Variants in PDSS2 observed in about 807,000 individuals in gnomAD.
PDSS2 encodes decaprenyl diphosphate synthase subunit 2, also known as all trans-polyprenyl-diphosphate synthase PDSS2.
In PDSS2, 31 loss-of-function variants were observed where a neutral mutation model predicts 44.5. The observed-to-expected ratio is 0.70, with a 90% CI of 0.52 to 0.94. The LOEUF is 0.94. Among genes scored for constraint, PDSS2 ranks in the 40% least tolerant of loss-of-function variants. PDSS2 has a pLI of 0.00. For synonymous variants in PDSS2, 157 were observed against 180.3 expected (o/e 0.87, Z 1.03); for missense variants, 452 against 482.2 (o/e 0.94, Z 0.59).
intron 4 of PDSS2, among the ~76,000 whole-genome samples, chr6:107,226,063 C>T (rs1773809684): frequency 6.6e-6 from 1 of 152,146 alleles, no homozygotes; most frequent in Non-Finnish European, 1.5e-5. Context: ...AATCCCAGCA[C>T]TTTGGGAGGC....
chr6:107,184,189 A>G (rs1772086459), intron 7 of PDSS2, among the ~76,000 whole-genome samples: 1 of 152,170 alleles, frequency 6.6e-6, no homozygotes, highest in African/African-American at 2.4e-5. Flanking sequence ...ACACAGCAAC[A>G]ACTGTTTTCT....
chr6:107,412,128 T>C (rs935157435), intron 1 of PDSS2, among the ~76,000 whole-genome samples: 8 of 151,756 alleles, frequency 5.3e-5, no homozygotes, highest in Non-Finnish European at 8.8e-5. Context: ...CCTCAGGTGA[T>C]CCACCTGCCT....
rs1258543926 is a variant in PDSS2, at chr6:107,170,246, G to A, written c.1042-15469C>T. On this transcript the variant is annotated intron_variant, in intron 7 of 7. Coordinates refer to ENST00000369037, the MANE Select transcript of PDSS2 (RefSeq NM_020381.4). ...TCAGACTGCTGTGCTAGCAATGAGC[G>A]AGGTTCCAAGGGCGTGGGATCCTCT... 5.3e-5 allele frequency among the ~76,000 whole-genome samples: 8 copies of A among 152,148 alleles called. 1 individual carries two copies. Among genetic ancestry groups the A allele is most frequent in the Admixed American group, 2.6e-4 (4 of 15,264 alleles).
At chr6:107,283,947 A>G (rs1219363498) in intron 2 of PDSS2, among the ~76,000 whole-genome samples, 1 of 151,758 alleles carries the variant, frequency 6.6e-6, no homozygotes, top group East Asian at 1.9e-4. Context: ...AATAGCTTCA[A>G]TCCAGGAGGT....
chr6:107,158,086 C>G (rs1206651238), intron 7 of PDSS2, among the ~76,000 whole-genome samples: 1 of 152,030 alleles, frequency 6.6e-6, no homozygotes, highest in Non-Finnish European at 1.5e-5. Context: ...ATTTATTCCT[C>G]TAATTATACA....
Position 107,180,294 on chromosome 6 carries a change from C to T in PDSS2, c.1041+13528G>A, listed in dbSNP as rs537617862. Reference sequence around the variant, plus strand: ...TATCCCACAGTGCAGAGCATCCACCCGCAGAGCCAGCCTGAAGGGCATTTC... The same window carrying T: ...TATCCCACAGTGCAGAGCATCCACCTGCAGAGCCAGCCTGAAGGGCATTTC... On this transcript the variant is annotated intron_variant, in intron 7 of 7. Transcript: ENST00000369037. Among the ~76,000 whole-genome samples the T allele has an allele frequency of 8.5e-4, 130 of 152,278 alleles. 3 individuals carry two copies. The South Asian group carries it at 0.015, about 17-fold the overall frequency.
intron 1 of PDSS2, among the ~76,000 whole-genome samples, chr6:107,348,020 G>C (rs1468431408): frequency 6.6e-6 from 1 of 152,034 alleles, no homozygotes; most frequent in Non-Finnish European, 1.5e-5. Context: ...AGCTGAAAAT[G>C]ATAGCCTTTA....
chr6:107,195,408 G>A (rs1425048541), intron 6 of PDSS2, among the ~76,000 whole-genome samples: 1 of 150,930 alleles, frequency 6.6e-6, no homozygotes, highest in African/African-American at 2.4e-5. Context: ...CCTGAGCCTG[G>A]GAGGTTGAGG....
chr6:107,385,123 G>C (rs113629473), intron 1 of PDSS2, among the ~76,000 whole-genome samples: 6 of 152,120 alleles, frequency 3.9e-5, no homozygotes, highest in African/African-American at 1.4e-4. Flanking sequence ...TCTTTATTTA[G>C]TCTTTGGCCA....
At chr6:107,396,115 C>T (rs1248897367) in intron 1 of PDSS2, among the ~76,000 whole-genome samples, 1 of 152,178 alleles carries the variant, frequency 6.6e-6, no homozygotes, top group African/African-American at 2.4e-5. Flanking sequence ...AATTGTTCAG[C>T]TCCTCAATAA....
chr6:107,320,930 T>C (rs538880397), intron 2 of PDSS2, among the ~76,000 whole-genome samples: 1 of 152,300 alleles, frequency 6.6e-6, no homozygotes, highest in Non-Finnish European at 1.5e-5. Context: ...GAGCATGAAT[T>C]CTATGGTCAA....
chr6:107,181,785 G>C (rs1771993536), intron 7 of PDSS2, among the ~76,000 whole-genome samples: 1 of 151,178 alleles, frequency 6.6e-6, no homozygotes, highest in Admixed American at 6.6e-5. Context: ...AGCTACTCAG[G>C]AGGCTGAGGC....
rs1398969339 is a variant in PDSS2 at position 107,176,413 on chromosome 6, AACACACACACACACATACAC to A, written c.1041+17389_1041+17408del. ...TTTAAAATGTATTCTATTCCCCCTTAACACACACACACACATACACACACACACACACACACACACACACA... is the reference window on the plus strand; with the variant it reads ...TTTAAAATGTATTCTATTCCCCCTTAACACACACACACACACACACACACA... On this transcript the variant is annotated intron_variant, in intron 7 of 7. Transcript: ENST00000369037. Among the ~76,000 whole-genome samples, 509 of 96,174 alleles carry A rather than the reference AACACACACACACACATACAC, an allele frequency of 5.3e-3. 3 individuals are homozygous for A. The highest frequency in any genetic ancestry group is 0.025 in the African/African-American group (470 of 19,120). 63.1% of individuals were successfully genotyped at this position (96,174 alleles called of 152,430 possible). A position where few individuals can be genotyped will look rare whatever the true frequency, so the allele number is the denominator to read the frequency against.
At chr6:107,299,844 T>C (rs996688649) in intron 2 of PDSS2, among the ~76,000 whole-genome samples, 2 of 152,188 alleles carry the variant, frequency 1.3e-5, no homozygotes, top group African/African-American at 4.8e-5. Flanking sequence ...CACTGTCTGT[T>C]GGACCTTACT....
At chr6:107,308,829 A>C (rs1449576919) in intron 2 of PDSS2, among the ~76,000 whole-genome samples, 1 of 152,238 alleles carries the variant, frequency 6.6e-6, no homozygotes, top group Non-Finnish European at 1.5e-5. Flanking sequence ...TGCCCCTGCC[A>C]GACGATGAAC....
intron 1 of PDSS2, among the ~76,000 whole-genome samples, chr6:107,415,872 G>T (rs754299267): frequency 6.6e-6 from 1 of 152,188 alleles, no homozygotes; most frequent in Non-Finnish European, 1.5e-5. Flanking sequence ...TTAGTAAAAT[G>T]TACTCCCAGG....
At chr6:107,364,584 C>T (rs1003539898) in intron 1 of PDSS2, among the ~76,000 whole-genome samples, 4 of 152,228 alleles carry the variant, frequency 2.6e-5, no homozygotes, top group African/African-American at 4.8e-5. Context: ...CCAGCTGGCC[C>T]GCAAGCGCTG....
chr6:107,260,572 T>C (rs1262371865), intron 3 of PDSS2, among the ~76,000 whole-genome samples: 1 of 152,084 alleles, frequency 6.6e-6, no homozygotes, highest in Non-Finnish European at 1.5e-5. Context: ...CAATATTATA[T>C]ATAATACATT....
rs78092304 is a variant in PDSS2 at position 107,458,450 on chromosome 6, G to A, written c.296+540C>T. On this transcript the variant is annotated intron_variant, in intron 1 of 7. Transcript: ENST00000369037. ...AAAAAAAACTTTTATAAATCCTAAA[G>A]GCAGGTTTCACAGCAGTAGTACAGC... Among the ~76,000 whole-genome samples, 1,139 of 113,790 alleles carry A rather than the reference G, an allele frequency of 0.01. 50 individuals are homozygous for A. In the East Asian group the frequency reaches 0.13, roughly 13 times the overall value. The allele number at this position is 113,790 out of a possible 152,430, so 74.7% of individuals were successfully genotyped here. A position where few individuals can be genotyped will look rare whatever the true frequency, so the allele number is the denominator to read the frequency against.
Sources: allele counts gnomAD v4.1 joint callset (sites outside exome capture counted in the v4.1 genomes callset), GRCh38; gene constraint gnomAD v4.1.1; transcripts MANE v1.5; gene names NCBI Gene and HGNC (gene_info 2026-07-23, HGNC 2026-07-21).